ATP8B4: variants seen among roughly 807,000 people sequenced by gnomAD.
The protein encoded by ATP8B4 is ATPase phospholipid transporting 8B4 (putative).
Under a neutral mutation model 145.6 loss-of-function variants are expected in ATP8B4, and 133 were observed. The ratio of observed to expected loss-of-function variants is 0.91; its 90% confidence interval spans 0.79 to 1.05. The LOEUF is 1.05. Among genes scored for constraint, ATP8B4 ranks in the 50% least tolerant of loss-of-function variants. The probability of loss-of-function intolerance (pLI) is 0.00; values close to 1 mark genes in which losing one functional copy is unlikely to be tolerated. For synonymous variants in ATP8B4, 507 were observed against 492.9 expected (o/e 1.03, Z -0.38); for missense variants, 1,458 against 1,425.2 (o/e 1.02, Z -0.37).
chr15:50,176,762 A>C (rs4502159), intron 1 of ATP8B4, among the ~76,000 whole-genome samples: 52,801 of 152,020 alleles, frequency 0.35, 11,285 homozygotes, highest in Non-Finnish European at 0.47. Context: ...CTAATCAAAG[A>C]CATTCTGGTC....
At chr15:49,952,886 G>A (rs2043222881) in intron 14 of ATP8B4, among the ~76,000 whole-genome samples, 1 of 143,604 alleles carries the variant, frequency 7.0e-6, no homozygotes, top group Admixed American at 7.0e-5. Flanking sequence ...GGGTTTTTGT[G>A]GGGGCCTTTT....
intron 6 of ATP8B4, among the ~76,000 whole-genome samples, chr15:50,021,047 G>C (rs759520611): frequency 6.6e-6 from 1 of 152,064 alleles, no homozygotes; most frequent in Non-Finnish European, 1.5e-5. Flanking sequence ...GTAATACATA[G>C]AAAAGGATTC....
Position 50,098,310 on chromosome 15 carries a change from T to A in ATP8B4, c.28+8629A>T, listed in dbSNP as rs1017326333. Among the ~76,000 whole-genome samples the A allele has an allele frequency of 1.0e-3, 102 of 101,530 alleles. 3 individuals are homozygous for A. Among genetic ancestry groups the A allele is most frequent in the Non-Finnish European group, 1.7e-3 (89 of 51,848 alleles). 66.6% of individuals were successfully genotyped at this position (101,530 alleles called of 152,430 possible). Reference sequence around the variant, plus strand: ...TTTTTTTTTTTTTTTTTTTTTTTTTTAGATAGGGTCTCACTCTGTCACACA... The same window carrying A: ...TTTTTTTTTTTTTTTTTTTTTTTTTAAGATAGGGTCTCACTCTGTCACACA... On this transcript the variant is annotated intron_variant, in intron 2 of 27. Transcript: ENST00000284509.
chr15:50,017,991 C>CTTT lies in ATP8B4; in HGVS notation c.363-7077_363-7075dup, dbSNP rs35825862. ...CACATAAGTCGAATTCTTTTTTTTT[C>CTTT]TTTTTTTTTTTTTTGAAACGGAGTC... On this transcript the variant is annotated intron_variant, in intron 6 of 27. Coordinates refer to ENST00000284509, the MANE Select transcript of ATP8B4 (RefSeq NM_024837.4). Among the ~76,000 whole-genome samples the CTTT allele has an allele frequency of 9.5e-3, 1,329 of 140,292 alleles. 13 individuals carry two copies. The highest frequency in any genetic ancestry group is 0.015 in the Non-Finnish European group (970 of 65,370). The allele number at this position is 140,292 out of a possible 152,430, so 92.0% of individuals were successfully genotyped here.
rs752312796 is a variant in ATP8B4 at position 49,898,115 on chromosome 15, A to G, written c.2426T>C (p.Val809Ala). ...GGCTCCATCACCAATGGCCAAAGTA[A>G]CAGCATTTCTGTACTTCTTCACCAG... ...VELVKKYRNA[V>A]TLAIGDGAND... Residue 809 changes from valine (V) to alanine (A), a missense_variant, in exon 22 of 28, where the codon GTT becomes GCT. Physicochemically the swap from Val to Ala is moderately conservative, Grantham distance 64. Transcript: ENST00000284509. 2.5e-6 allele frequency: 4 copies of G among 1,613,930 alleles called. No individual in the cohort carries two copies. The highest frequency in any genetic ancestry group is 3.4e-6 in the Non-Finnish European group (4 of 1,179,882).
chr15:49,903,615 C>G (rs1344165949), intron 20 of ATP8B4, among the ~76,000 whole-genome samples: 5 of 152,280 alleles, frequency 3.3e-5, no homozygotes, highest in Non-Finnish European at 5.9e-5. Context: ...CTGTTGTGGC[C>G]AGGCACAGTG....
intron 5 of ATP8B4, among the ~76,000 whole-genome samples, chr15:50,039,768 A>T (rs1220856949): frequency 6.6e-6 from 1 of 152,128 alleles, no homozygotes; most frequent in Non-Finnish European, 1.5e-5. Context: ...CAAAATACAA[A>T]ATGCTTCAAC....
rs183598160 is a variant in ATP8B4 at position 50,107,482 on chromosome 15, C to T, written c.-42-474G>A. ...CTTTTCCTCAATTTATTCTCATGAACGTAGTCTTCTCCAGGCAGTTATTTT... is the reference window on the plus strand; with the variant it reads ...CTTTTCCTCAATTTATTCTCATGAATGTAGTCTTCTCCAGGCAGTTATTTT... On this transcript the variant is annotated intron_variant, in intron 1 of 27. Transcript: ENST00000284509. Among the ~76,000 whole-genome samples the T allele has an allele frequency of 6.4e-3, 973 of 152,168 alleles. 7 individuals are homozygous for T. The highest frequency in any genetic ancestry group is 7.7e-3 in the Non-Finnish European group (527 of 68,010).
chr15:50,023,236 ATCT>A (rs911806472), intron 6 of ATP8B4, among the ~76,000 whole-genome samples: 13 of 152,190 alleles, frequency 8.5e-5, no homozygotes, highest in Non-Finnish European at 1.8e-4. Flanking sequence ...TGTATAAATA[ATCT>A]TCTCTCTTCT....
chr15:49,918,987 A>G, intron 18 of ATP8B4, 37 bp from the exon 19 acceptor site: 1 of 1,405,116 alleles, frequency 7.1e-7, no homozygotes, highest in Non-Finnish European at 1.0e-6. Context: ...ATGTTAATGC[A>G]TGCAAACAAT....
intron 5 of ATP8B4, among the ~76,000 whole-genome samples, chr15:50,043,610 T>A (rs2051477657): frequency 6.6e-6 from 1 of 152,216 alleles, no homozygotes; most frequent in Non-Finnish European, 1.5e-5. Context: ...TTTCTCTTCT[T>A]CATAATTTTC....
At chr15:50,065,259 T>A (rs1283066998) in intron 3 of ATP8B4, among the ~76,000 whole-genome samples, 1 of 152,080 alleles carries the variant, frequency 6.6e-6, no homozygotes, top group Non-Finnish European at 1.5e-5. Context: ...ACATAGAAAA[T>A]CAGGTGTAAA....
chr15:49,888,649 C>T (rs2036474671), intron 23 of ATP8B4, among the ~76,000 whole-genome samples: 1 of 152,116 alleles, frequency 6.6e-6, no homozygotes, highest in African/African-American at 2.4e-5. Context: ...AAATAAGTTA[C>T]AGGTATAAAT....
chr15:49,963,639 T>A (rs2044281637), intron 13 of ATP8B4, among the ~76,000 whole-genome samples: 1 of 152,168 alleles, frequency 6.6e-6, no homozygotes, highest in African/African-American at 2.4e-5. Flanking sequence ...TCCATCATCC[T>A]CAGCAAACTA....
chr15:49,947,824 A>G (rs948602277), intron 14 of ATP8B4, among the ~76,000 whole-genome samples: 8 of 152,170 alleles, frequency 5.3e-5, no homozygotes, highest in African/African-American at 1.9e-4. Flanking sequence ...AAACCCACAC[A>G]TAAACAGATG....
chr15:49,894,548 A>C (rs555557020), intron 23 of ATP8B4, among the ~76,000 whole-genome samples: 1 of 152,342 alleles, frequency 6.6e-6, no homozygotes, highest in South Asian at 2.1e-4. Flanking sequence ...GGATGTATAA[A>C]TAACTAAGAA....
intron 1 of ATP8B4, among the ~76,000 whole-genome samples, chr15:50,125,601 C>G (rs539418312): frequency 6.6e-6 from 1 of 152,144 alleles, no homozygotes; most frequent in Non-Finnish European, 1.5e-5. Context: ...GTCTGCACTA[C>G]GGGAGGTTCG....
intron 1 of ATP8B4, among the ~76,000 whole-genome samples, chr15:50,115,359 T>A (rs889251945): frequency 4.0e-5 from 6 of 151,186 alleles, no homozygotes. Flanking sequence ...AATAAAAATT[T>A]TAAAAAAGGA....
chr15:49,927,535 C>A (rs1275208911), intron 16 of ATP8B4, among the ~76,000 whole-genome samples: 1 of 152,106 alleles, frequency 6.6e-6, no homozygotes, highest in Admixed American at 6.6e-5. Context: ...ATCCAGCAAA[C>A]CTTCATGCAT....
Sources: gnomAD v4.1 joint callset for allele counts (sites outside exome capture counted in the v4.1 genomes callset) on GRCh38, gnomAD v4.1.1 for gene constraint, MANE v1.5 for transcripts, NCBI Gene and HGNC (gene_info 2026-07-23, HGNC 2026-07-21) for gene names.